Variants in ZCCHC24 observed in about 807,000 individuals in gnomAD.
ZCCHC24 encodes zinc finger CCHC domain-containing protein 24.
A neutral mutation model predicts 26.2 loss-of-function variants in ZCCHC24; 10 were observed. The observed-to-expected ratio is 0.38, with a 90% CI of 0.24 to 0.65. The LOEUF (loss-of-function observed/expected upper bound fraction) is 0.65. Ranked by LOEUF, ZCCHC24 falls within the 30% of genes least tolerant of loss-of-function variation. ZCCHC24 has a pLI of 0.54. For missense variants in ZCCHC24, 243 were observed against 329.1 expected (o/e 0.74, Z 2.03); for synonymous variants, 144 against 147.1 (o/e 0.98, Z 0.15).
At chr10:79,416,477 G>T (rs958690972) in intron 2 of ZCCHC24, among the ~76,000 whole-genome samples, 2 of 152,170 alleles carry the variant, frequency 1.3e-5, no homozygotes, top group Non-Finnish European at 2.9e-5. Flanking sequence ...GGCCTGAGCT[G>T]GTGGGATAAG....
Position 79,433,668 on chromosome 10 carries a change from C to G in ZCCHC24, c.247-910G>C, listed in dbSNP as rs141054224. ...AAATCTGGGCTTGGGGCTTAAGTAT[C>G]TCCTGGCCCCAGCACAGGTGCCCAA... On this transcript the variant is annotated intron_variant, in intron 1 of 3. Transcript: ENST00000372336. Among the ~76,000 whole-genome samples the G allele has an allele frequency of 3.2e-3, 486 of 152,342 alleles. 1 individual carries two copies. Among genetic ancestry groups the G allele is most frequent in the African/African-American group, 8.4e-3 (351 of 41,580 alleles).
intron 1 of ZCCHC24, among the ~76,000 whole-genome samples, chr10:79,435,903 C>T (rs990298830): frequency 7.7e-6 from 1 of 130,318 alleles, no homozygotes; most frequent in Non-Finnish European, 1.6e-5. Context: ...GAACAGAGGC[C>T]AGGACCCAGA....
In ZCCHC24 at chr10:79,413,779, T is replaced by TGAGA. The variant is rs35633486; in HGVS notation, c.447+18775_447+18778dup. On this transcript the variant is annotated intron_variant, in intron 2 of 3. Transcript: ENST00000372336. ...GTGCGCATGTGTGTGTGTGTGTGTG[T>TGAGA]GAGAGAGAGAGAGAGAGAGAGAGAG... 2.0e-3 allele frequency among the ~76,000 whole-genome samples: 289 copies of TGAGA among 146,762 alleles called. 5 individuals are homozygous for TGAGA. Among genetic ancestry groups the TGAGA allele is most frequent in the African/African-American group, 5.4e-3 (216 of 40,044 alleles).
chr10:79,386,666 C>T (rs1171319962), intron 3 of ZCCHC24, among the ~76,000 whole-genome samples: 2 of 152,090 alleles, frequency 1.3e-5, no homozygotes, highest in Non-Finnish European at 2.9e-5. Context: ...GGGGAGAGGG[C>T]GCCTGTGGTC....
At chr10:79,413,515 T>G (rs1856819771) in intron 2 of ZCCHC24, among the ~76,000 whole-genome samples, 1 of 152,138 alleles carries the variant, frequency 6.6e-6, no homozygotes, top group Admixed American at 6.5e-5. Context: ...GCTACAGGCT[T>G]TAAATGTGTA....
intron 2 of ZCCHC24, among the ~76,000 whole-genome samples, chr10:79,423,061 C>T (rs1298974489): frequency 6.6e-6 from 1 of 152,168 alleles, no homozygotes; most frequent in Non-Finnish European, 1.5e-5. Flanking sequence ...TTACTGTGGG[C>T]ATGTGGACCC....
chr10:79,425,202 A>G (rs1233696211), intron 2 of ZCCHC24, among the ~76,000 whole-genome samples: 1 of 152,198 alleles, frequency 6.6e-6, no homozygotes, highest in Non-Finnish European at 1.5e-5. Flanking sequence ...GTCCTGACCC[A>G]TCAGCGTGCA....
intron 1 of ZCCHC24, among the ~76,000 whole-genome samples, chr10:79,441,687 A>G (rs1178158213): frequency 6.6e-6 from 1 of 151,608 alleles, no homozygotes; most frequent in African/African-American, 2.4e-5. Flanking sequence ...TCCAAGGGAA[A>G]GGAAGGACAC....
chr10:79,432,163 G>A (rs1362488960), intron 2 of ZCCHC24, among the ~76,000 whole-genome samples: 3 of 152,248 alleles, frequency 2.0e-5, no homozygotes, highest in Non-Finnish European at 2.9e-5. Context: ...CTGGCCCAGA[G>A]CCTGCATTCC....
intron 2 of ZCCHC24, among the ~76,000 whole-genome samples, chr10:79,403,743 C>G (rs1856670723): frequency 6.6e-6 from 1 of 152,196 alleles, no homozygotes; most frequent in Non-Finnish European, 1.5e-5. Context: ...ACCCCTCCCA[C>G]CCCCGTTCCC....
chr10:79,440,860 G>C (rs140112919), intron 1 of ZCCHC24, among the ~76,000 whole-genome samples: 1 of 152,064 alleles, frequency 6.6e-6, no homozygotes, highest in Non-Finnish European at 1.5e-5. Flanking sequence ...GAAGGTCCAC[G>C]AGGTGTGGTC....
At chr10:79,413,475 G>A (rs546843526) in intron 2 of ZCCHC24, among the ~76,000 whole-genome samples, 2 of 152,252 alleles carry the variant, frequency 1.3e-5, no homozygotes, top group Non-Finnish European at 2.9e-5. Flanking sequence ...GGCAGGGGGA[G>A]CCTCTCCTGG....
At chr10:79,418,541 A>G (rs1856895097) in intron 2 of ZCCHC24, among the ~76,000 whole-genome samples, 7 of 152,232 alleles carry the variant, frequency 4.6e-5, no homozygotes, top group Admixed American at 4.6e-4. Flanking sequence ...AGAAGGGCAT[A>G]GGGGCTGCAC....
chr10:79,393,427 T>C (rs1484902215), intron 3 of ZCCHC24, among the ~76,000 whole-genome samples: 1 of 152,204 alleles, frequency 6.6e-6, no homozygotes, highest in Non-Finnish European at 1.5e-5. Context: ...AGGCTCCTGT[T>C]CTTCCCCCAC....
chr10:79,432,444 A>C, intron 2 of ZCCHC24, 114 bp downstream of exon 2: 1,642 of 843,060 alleles, frequency 1.9e-3, no homozygotes, highest in Non-Finnish European at 2.3e-3. Context: ...CCACGGGGCC[A>C]CTCATTGGTG....
chr10:79,435,486 C>G (rs753361126), intron 1 of ZCCHC24, among the ~76,000 whole-genome samples: 1 of 152,206 alleles, frequency 6.6e-6, no homozygotes, highest in Non-Finnish European at 1.5e-5. Flanking sequence ...GCAGCCTTGC[C>G]CCTGCCCCAG....
intron 1 of ZCCHC24, among the ~76,000 whole-genome samples, chr10:79,437,729 G>T (rs1283449859): frequency 6.6e-6 from 1 of 152,336 alleles, no homozygotes; most frequent in East Asian, 1.9e-4. Flanking sequence ...GCAGGCCCTG[G>T]GCATGGTGGT....
At position 79,387,664 on chromosome 10, in the gene ZCCHC24, G is replaced by A. The variant is rs138803906; in HGVS notation, c.613-1206C>T. Among the ~76,000 whole-genome samples the A allele has an allele frequency of 7.1e-3, 1,075 of 152,272 alleles. 17 individuals carry two copies. Among genetic ancestry groups the A allele is most frequent in the African/African-American group, 0.024 (992 of 41,542 alleles). ...GAACCTGGACTGCAGACCATGGCCC[G>A]GATGACAGGGGAGGGCAGCAGAGGG... is the stretch of plus-strand genomic sequence containing the variant. On this transcript the variant is annotated intron_variant, in intron 3 of 3. Coordinates refer to ENST00000372336, the MANE Select transcript of ZCCHC24 (RefSeq NM_153367.4).
intron 2 of ZCCHC24, among the ~76,000 whole-genome samples, chr10:79,410,104 C>T (rs1435536046): frequency 6.6e-6 from 1 of 152,248 alleles, no homozygotes; most frequent in Non-Finnish European, 1.5e-5. Flanking sequence ...AGCCTCTGCA[C>T]TTGCTGTTCC....
Sources: allele counts gnomAD v4.1 joint callset (sites outside exome capture counted in the v4.1 genomes callset), GRCh38; gene constraint gnomAD v4.1.1; transcripts MANE v1.5; gene names NCBI Gene and HGNC (gene_info 2026-07-23, HGNC 2026-07-21).